The following ANXA4 variants were observed in gnomAD, a reference collection of about 807,000 sequenced individuals.
The protein encoded by ANXA4 is annexin A4.
ANXA4 carries 39 observed loss-of-function variants against 49.8 expected under a neutral mutation model. That is an observed-to-expected ratio of 0.78 (90% CI 0.61 to 1.02). ANXA4 has a LOEUF of 1.02. ANXA4 is among the 50% of genes least tolerant of loss of function. The probability of loss-of-function intolerance (pLI) is 0.00; values close to 1 mark genes in which losing one functional copy is unlikely to be tolerated. For synonymous variants in ANXA4, 134 were observed against 152.5 expected (o/e 0.88, Z 0.89); for missense variants, 360 against 410.1 (o/e 0.88, Z 1.05).
At chr2:69,812,766 G>T (rs1351606721) in intron 8 of ANXA4, 57 bp downstream of exon 8, 1 of 1,469,278 alleles carries the variant, frequency 6.8e-7, no homozygotes, top group Non-Finnish European at 9.5e-7. Context: ...CAATGAGACA[G>T]GCCTTAGTGG....
intron 1 of ANXA4, among the ~76,000 whole-genome samples, chr2:69,757,266 A>T (rs983560405): frequency 0.25 from 6,900 of 27,440 alleles, 704 homozygotes; most frequent in Non-Finnish European, 0.34. Flanking sequence ...ATATATATAT[A>T]TTTTTTTTTT....
intron 3 of ANXA4, among the ~76,000 whole-genome samples, chr2:69,801,320 G>GA (rs900773616): frequency 3.6e-4 from 54 of 149,884 alleles, no homozygotes; most frequent in Admixed American, 8.6e-4. Context: ...CTCTTTGTTA[G>GA]AAAAAAAAAT....
At chr2:69,814,342 C>CT (rs781253870) in intron 8 of ANXA4, among the ~76,000 whole-genome samples, 8,709 of 97,004 alleles carry the variant, frequency 0.09, 843 homozygotes, top group Admixed American at 0.22. Flanking sequence ...GTATTTTATT[C>CT]TTTTTTTTTT....
chr2:69,768,615 G>A (rs984228780), intron 1 of ANXA4, among the ~76,000 whole-genome samples: 1 of 152,200 alleles, frequency 6.6e-6, no homozygotes, highest in African/African-American at 2.4e-5. Context: ...CATGGGGCAG[G>A]CATTCAGATA....
At chr2:69,711,223 G>A (rs1678669061) in intron 2 of ANXA4, among the ~76,000 whole-genome samples, 1 of 152,188 alleles carries the variant, frequency 6.6e-6, no homozygotes, top group Non-Finnish European at 1.5e-5. Flanking sequence ...CCAGCTACTT[G>A]GGAGGCTGAG....
intron 3 of ANXA4, among the ~76,000 whole-genome samples, chr2:69,730,704 G>A (rs1358494308): frequency 6.6e-6 from 1 of 152,202 alleles, no homozygotes; most frequent in Non-Finnish European, 1.5e-5. Flanking sequence ...GCTGCCAGCT[G>A]CACTGTAAGA....
At chr2:69,708,025 T>C (rs1215550792) in intron 2 of ANXA4, among the ~76,000 whole-genome samples, 1 of 152,234 alleles carries the variant, frequency 6.6e-6, no homozygotes, top group Middle Eastern at 3.2e-3. Context: ...TTTCCTGTTT[T>C]CAGTATTTTG....
At chr2:69,677,264 T>C (rs1266580416) in intron 2 of ANXA4, among the ~76,000 whole-genome samples, 1 of 152,194 alleles carries the variant, frequency 6.6e-6, no homozygotes. Flanking sequence ...AGAGTCTCAC[T>C]CTGTTGCCCA....
In ANXA4 at chr2:69,788,041, C is replaced by G. The variant is rs1227723594; in HGVS notation, c.10-13C>G. 2 of 1,611,936 alleles carry G rather than the reference C, an allele frequency of 1.2e-6. No homozygotes were observed. The highest frequency in any genetic ancestry group is 1.7e-4 in the Middle Eastern group (1 of 6,056). On this transcript the variant is annotated splice_polypyrimidine_tract_variant and intron_variant, in intron 2 of 12. Coordinates refer to ENST00000394295, the MANE Select transcript of ANXA4 (RefSeq NM_001153.5). ...GGCTGCCTCTCAGTAACATCACTCT[C>G]TTGTGTGCTCAGGCAACCAAAGGAG...
intron 2 of ANXA4, among the ~76,000 whole-genome samples, chr2:69,669,022 C>T (rs1240762133): frequency 2.0e-5 from 3 of 151,786 alleles, no homozygotes; most frequent in South Asian, 2.1e-4. Flanking sequence ...CTGCAACCTC[C>T]GCCTCTCAGG....
At chr2:69,722,677 GT>G (rs1364236466) in intron 3 of ANXA4, among the ~76,000 whole-genome samples, 1 of 151,940 alleles carries the variant, frequency 6.6e-6, no homozygotes, top group Non-Finnish European at 1.5e-5. Flanking sequence ...GTGATGAAAA[GT>G]TTTAGAAATA....
chr2:69,656,355 GTGTATATATA>G (rs1559046586), intron 2 of ANXA4, among the ~76,000 whole-genome samples: 30 of 127,050 alleles, frequency 2.4e-4, no homozygotes, highest in Non-Finnish European at 2.0e-4. Flanking sequence ...GTGTATATAT[GTGTATATATA>G]TGTGTATATA....
intron 3 of ANXA4, among the ~76,000 whole-genome samples, chr2:69,724,566 C>G (rs1474743049): frequency 2.6e-5 from 4 of 152,236 alleles, no homozygotes; most frequent in African/African-American, 7.2e-5. Flanking sequence ...AGAGCCCCCT[C>G]AATTCTCTTC....
intron 3 of ANXA4, among the ~76,000 whole-genome samples, chr2:69,795,773 A>G (rs1355977844): frequency 1.3e-5 from 2 of 152,230 alleles, no homozygotes; most frequent in African/African-American, 4.8e-5. Context: ...GCTGGCCCCC[A>G]TGTGGGCTAA....
chr2:69,673,469 CAAG>C (rs1677269079), intron 2 of ANXA4, among the ~76,000 whole-genome samples: 1 of 110,234 alleles, frequency 9.1e-6, no homozygotes, highest in Non-Finnish European at 1.7e-5. Context: ...CACATGGACA[CAAG>C]GAGGGGAACA....
In ANXA4 at chr2:69,761,541, A is replaced by G. The variant is rs149475758; in HGVS notation, c.-47+19366A>G. On this transcript the variant is annotated intron_variant, in intron 1 of 12. Transcript: ENST00000394295. ...AGTTAATTCACGAACTCTCTTGTCAATTCCATCTCTTGTTCTTTACTGTGC... is the reference window on the plus strand; with the variant it reads ...AGTTAATTCACGAACTCTCTTGTCAGTTCCATCTCTTGTTCTTTACTGTGC... Among the ~76,000 whole-genome samples the G allele has an allele frequency of 6.1e-3, 924 of 152,224 alleles. 11 individuals are homozygous for G. The highest frequency in any genetic ancestry group is 0.021 in the African/African-American group (876 of 41,524).
chr2:69,661,352 GA>G (rs1676711354), intron 2 of ANXA4, among the ~76,000 whole-genome samples: 1 of 151,946 alleles, frequency 6.6e-6, no homozygotes, highest in African/African-American at 2.4e-5. Flanking sequence ...ATTATTAAAT[GA>G]AAAAGAGTAA....
At chr2:69,736,596 T>C (rs189631570) in intron 3 of ANXA4, among the ~76,000 whole-genome samples, 34 of 152,304 alleles carry the variant, frequency 2.2e-4, no homozygotes, top group Admixed American at 3.3e-4. Context: ...ATTCCCTTTT[T>C]TTAGAAAAAA....
chr2:69,783,466 C>T (rs1672285125), intron 2 of ANXA4, among the ~76,000 whole-genome samples: 1 of 152,130 alleles, frequency 6.6e-6, no homozygotes, highest in African/African-American at 2.4e-5. Flanking sequence ...CTGCCCGCCT[C>T]GGCCTCCCAA....
Sources: gnomAD v4.1 joint callset for allele counts (sites outside exome capture counted in the v4.1 genomes callset) on GRCh38, gnomAD v4.1.1 for gene constraint, MANE v1.5 for transcripts, NCBI Gene and HGNC (gene_info 2026-07-23, HGNC 2026-07-21) for gene names.